The following EPS15L1 variants were observed in gnomAD, a reference collection of about 807,000 sequenced individuals.
EPS15L1 encodes epidermal growth factor receptor pathway substrate 15 like 1.
A neutral mutation model predicts 117.1 loss-of-function variants in EPS15L1; 43 were observed. That is an observed-to-expected ratio of 0.37 (90% CI 0.29 to 0.47). The LOEUF is 0.47. Among genes scored for constraint, EPS15L1 ranks in the 20% least tolerant of loss-of-function variants. The probability of loss-of-function intolerance (pLI) is 0.99; values close to 1 mark genes in which losing one functional copy is unlikely to be tolerated. For missense variants in EPS15L1, 981 were observed against 1,164.0 expected (o/e 0.84, Z 2.29); for synonymous variants, 459 against 470.5 (o/e 0.98, Z 0.32).
chr19:16,444,248 GA>G (rs2093062199), intron 1 of EPS15L1, among the ~76,000 whole-genome samples: 1 of 150,494 alleles, frequency 6.6e-6, no homozygotes, highest in African/African-American at 2.4e-5. Context: ...GAAAAAGCAA[GA>G]AAAGCCAGAG....
At chr19:16,411,468 C>T (rs980352566) in intron 13 of EPS15L1, among the ~76,000 whole-genome samples, 2 of 152,138 alleles carry the variant, frequency 1.3e-5, no homozygotes, top group Admixed American at 6.6e-5. Flanking sequence ...GGCCTACTGG[C>T]GCCTACGGGA....
intron 16 of EPS15L1, among the ~76,000 whole-genome samples, chr19:16,398,519 G>A (rs553638678): frequency 3.9e-5 from 6 of 152,324 alleles, no homozygotes; most frequent in African/African-American, 7.2e-5. Flanking sequence ...GGAGGCCCAC[G>A]TGGAAAATCT....
intron 1 of EPS15L1, among the ~76,000 whole-genome samples, chr19:16,465,986 A>ATTTTTTTT (rs1210019369): frequency 7.9e-6 from 1 of 126,210 alleles, no homozygotes; most frequent in Non-Finnish European, 1.7e-5. Flanking sequence ...CACTTTATCT[A>ATTTTTTTT]TTTTTTTTTT....
intron 1 of EPS15L1, among the ~76,000 whole-genome samples, chr19:16,448,758 G>A (rs558265882): frequency 3.3e-5 from 5 of 151,890 alleles, no homozygotes; most frequent in African/African-American, 7.2e-5. Context: ...TGAACCCAGC[G>A]GGCAGAGGCT....
Position 16,437,851 on chromosome 19 carries a change from T to A in EPS15L1, c.228A>T (p.Ala76=). The A allele has an allele frequency of 6.2e-7, 1 of 1,613,884 alleles. No homozygotes were observed. Among genetic ancestry groups the A allele is most frequent in the African/African-American group, 1.3e-5 (1 of 74,992 alleles). ...TCTGTGCACAGGCCACCAGTCTCAG[T>A]GCAACATAGAAACCCTGCAAGTCCA... The part of the protein sequence containing the change: ...GFLDKQGFYV[A]LRLVACAQSG... Residue 76 remains alanine (A), a synonymous_variant, in exon 5 of 24, where the codon GCA becomes GCT. Transcript: ENST00000455140.
chr19:16,384,145 C>T (rs575914347), intron 21 of EPS15L1: 1 of 152,146 alleles, frequency 6.6e-6, no homozygotes, highest in Admixed American at 6.5e-5. Flanking sequence ...AGGTGGAACT[C>T]GTGAGGAAAG....
chr19:16,403,862 G>A lies in EPS15L1; in HGVS notation c.1497C>T (p.Asn499=), dbSNP rs2092628109. 1.2e-6 allele frequency: 2 copies of A among 1,614,178 alleles called. No homozygotes were observed. The highest frequency in any genetic ancestry group is 1.7e-6 in the Non-Finnish European group (2 of 1,180,044). ...SDLKSQEDDL[N]RAKSELNRLQ... is the part of the protein sequence containing the mutation. The stretch of plus-strand genomic sequence containing the variant: ...ATCGGTTCAGCTCCGACTTGGCTCG[G>A]TTCAGATCGTCTTCCTGGGACTTTA... Residue 499 remains asparagine, a synonymous_variant, in exon 15 of 24, where the codon AAC becomes AAT. Coordinates refer to ENST00000455140, the MANE Select transcript of EPS15L1 (RefSeq NM_001258374.3).
At chr19:16,390,812 A>C (rs190484995) in intron 19 of EPS15L1, among the ~76,000 whole-genome samples, 2 of 152,246 alleles carry the variant, frequency 1.3e-5, no homozygotes, top group Non-Finnish European at 2.9e-5. Context: ...CAATGAAGAG[A>C]TAAAGTATTC....
chr19:16,374,072 C>G (rs2092261790), intron 22 of EPS15L1, among the ~76,000 whole-genome samples: 1 of 152,216 alleles, frequency 6.6e-6, no homozygotes, highest in Non-Finnish European at 1.5e-5. Context: ...TGTTCTGAAG[C>G]TCATGGCTTG....
intron 21 of EPS15L1, among the ~76,000 whole-genome samples, chr19:16,382,238 C>T (rs1323605187): frequency 6.6e-6 from 1 of 152,246 alleles, no homozygotes; most frequent in Admixed American, 6.5e-5. Flanking sequence ...CAGATCACTC[C>T]TAGCTCCAGA....
chr19:16,376,253 G>C (rs934052938), intron 22 of EPS15L1, among the ~76,000 whole-genome samples: 1 of 152,198 alleles, frequency 6.6e-6, no homozygotes, highest in African/African-American at 2.4e-5. Context: ...TCCCAGACCG[G>C]GGCACAGATG....
chr19:16,404,476 G>A lies in EPS15L1; in HGVS notation c.1428+112C>T. On this transcript the variant is annotated intron_variant, in intron 14 of 23. Coordinates refer to ENST00000455140, the MANE Select transcript of EPS15L1 (RefSeq NM_001258374.3). The surrounding 1 kb of genome is among the most constrained non-coding windows in gnomAD (Gnocchi z 4.2). ...ACGTGGTGTTTGGAGGAACTCTATTGACCCAGTAGGATGTCTAAGTGTTGT... is the reference window on the plus strand; with the variant it reads ...ACGTGGTGTTTGGAGGAACTCTATTAACCCAGTAGGATGTCTAAGTGTTGT... 8.1e-7 allele frequency: 1 copy of A among 1,232,834 alleles called. No homozygotes were observed. Among genetic ancestry groups the A allele is most frequent in the Non-Finnish European group, 1.1e-6 (1 of 879,318 alleles). 76.4% of individuals were successfully genotyped at this position (1,232,834 alleles called of 1,614,324 possible). A position where few individuals can be genotyped will look rare whatever the true frequency, so the allele number is the denominator to read the frequency against.
chr19:16,386,153 A>G lies in EPS15L1; in HGVS notation c.2164+18T>C. 1.3e-6 allele frequency: 2 copies of G among 1,597,236 alleles called. No homozygotes were observed. Among genetic ancestry groups the G allele is most frequent in the East Asian group, 2.2e-5 (1 of 44,640 alleles). Reference sequence around the variant, plus strand: ...GCCCAAGGAATAGTCAGGAAGAAAAATAAGTCATGGGTCTCACCTGATCCT... The same window carrying G: ...GCCCAAGGAATAGTCAGGAAGAAAAGTAAGTCATGGGTCTCACCTGATCCT... On this transcript the variant is annotated intron_variant, in intron 20 of 23. Coordinates refer to ENST00000455140, the MANE Select transcript of EPS15L1 (RefSeq NM_001258374.3).
At chr19:16,366,870 C>T (rs1417882028) in intron 22 of EPS15L1, among the ~76,000 whole-genome samples, 2 of 152,162 alleles carry the variant, frequency 1.3e-5, no homozygotes, top group Non-Finnish European at 2.9e-5. Flanking sequence ...CTGTATTTTT[C>T]AAACCTTCTA....
In EPS15L1 at chr19:16,377,200, C is replaced by G; in HGVS notation, c.2302G>C (p.Asp768His). ...SSLGGAGFSDDPFKSKQDTPA... is the reference protein window; with the variant it reads ...SSLGGAGFSDHPFKSKQDTPA... ...GTGTCCTGTTTACTTTTAAAGGGGT[C>G]ATCTGAGAATCCTGCCCCTCCCAAG... Residue 768 changes from aspartate (D) to histidine (H), a missense_variant, in exon 22 of 24, where the codon GAC (aspartate) becomes CAC (histidine). Physicochemically the swap from Asp to His is moderately conservative, Grantham distance 81. This residue lies in a region of EPS15L1 where 819 missense variants were observed against 949.0 expected (regional missense o/e 0.86). Coordinates refer to ENST00000455140, the MANE Select transcript of EPS15L1 (RefSeq NM_001258374.3). 2 of 1,612,940 alleles carry G rather than the reference C, an allele frequency of 1.2e-6. No homozygotes were observed. The highest frequency in any genetic ancestry group is 1.7e-6 in the Non-Finnish European group (2 of 1,179,474).
intron 7 of EPS15L1, among the ~76,000 whole-genome samples, chr19:16,432,223 C>CAGG (rs1318774681): frequency 1.3e-5 from 2 of 152,054 alleles, no homozygotes; most frequent in African/African-American, 2.4e-5. Flanking sequence ...CACCTGAGGT[C>CAGG]AGGAGTTCAA....
rs2092226633 is a variant in EPS15L1 at position 16,371,653 on chromosome 19, C to G, written c.2380+5469G>C. ...GGCGCTGCAGGCAGGAACCGCAACG[C>G]AGGGCCGCGCTGGCAGGAAGTGGCA... is the stretch of plus-strand genomic sequence containing the variant. On this transcript the variant is annotated intron_variant, in intron 22 of 23. Transcript: ENST00000455140. The surrounding 1 kb of genome is among the most constrained non-coding windows in gnomAD (Gnocchi z 4.7). Among the ~76,000 whole-genome samples the G allele has an allele frequency of 6.6e-6, 1 of 152,176 alleles. No homozygotes were observed. The highest frequency in any genetic ancestry group is 6.5e-5 in the Admixed American group (1 of 15,284).
chr19:16,395,419 C>T lies in EPS15L1; in HGVS notation c.1840G>A (p.Glu614Lys), dbSNP rs746436841. ...GTCTGGAAAGGATCCGGATGCAACT[C>T]TTGCGTGTTGTTGCTAAATAACAAG... ...KALLFSNNTQELHPDPFQTED... is the reference protein window; with the variant it reads ...KALLFSNNTQKLHPDPFQTED... The change falls in exon 17 of 24, where the codon GAG (glutamate) becomes AAG (lysine). Residue 614 changes from glutamate (E) to lysine (K), a missense_variant. By Grantham distance (56) the Glu-to-Lys change is moderately conservative (BLOSUM62 1). This residue lies in a region of EPS15L1 where 819 missense variants were observed against 949.0 expected (regional missense o/e 0.86). Coordinates refer to ENST00000455140, the MANE Select transcript of EPS15L1 (RefSeq NM_001258374.3). 29 of 1,613,686 alleles carry T rather than the reference C, an allele frequency of 1.8e-5. No homozygotes were observed. Among genetic ancestry groups the T allele is most frequent in the Non-Finnish European group, 2.4e-5 (28 of 1,179,718 alleles).
chr19:16,434,873 T>G (rs189149383), intron 6 of EPS15L1: 111 of 168,390 alleles, frequency 6.6e-4, no homozygotes, highest in South Asian at 2.5e-3. Context: ...GACAAAAGTG[T>G]GAGCAGATGT....
Sources: allele counts gnomAD v4.1 joint callset (sites outside exome capture counted in the v4.1 genomes callset), GRCh38; gene constraint gnomAD v4.1.1; regional missense constraint gnomAD v4.1.1; non-coding constraint Gnocchi (gnomAD v3.1); transcripts MANE v1.5; gene names NCBI Gene and HGNC (gene_info 2026-07-23, HGNC 2026-07-21).